The following SIM2 variants were observed in gnomAD, a reference collection of about 807,000 sequenced individuals.
The protein encoded by SIM2 is SIM bHLH transcription factor 2, also known as single-minded homolog 2.
A neutral mutation model predicts 64.8 loss-of-function variants in SIM2; 28 were observed. That is an observed-to-expected ratio of 0.43 (90% CI 0.32 to 0.59). The LOEUF (loss-of-function observed/expected upper bound fraction) is 0.59, where lower values mean the gene tolerates loss of function less well. SIM2 is among the 20% of genes least tolerant of loss of function. SIM2 has a pLI of 0.07. For missense variants in SIM2, 847 were observed against 871.4 expected (o/e 0.97, Z 0.35); for synonymous variants, 408 against 391.1 (o/e 1.04, Z -0.51).
At chr21:36,705,701 G>A (rs1317884857) in intron 1 of SIM2, among the ~76,000 whole-genome samples, 2 of 152,212 alleles carry the variant, frequency 1.3e-5, no homozygotes, top group African/African-American at 2.4e-5. Context: ...GCACCCAGGT[G>A]GGGCTCCCAA....
At chr21:36,722,322 G>A (rs1172792797) in intron 4 of SIM2, among the ~76,000 whole-genome samples, 3 of 152,190 alleles carry the variant, frequency 2.0e-5, no homozygotes, top group Non-Finnish European at 4.4e-5. Context: ...AGCTTCCACA[G>A]GGCAGTGACC....
chr21:36,735,070 C>A (rs146242115), intron 7 of SIM2, among the ~76,000 whole-genome samples: 1 of 152,144 alleles, frequency 6.6e-6, no homozygotes, highest in African/African-American at 2.4e-5. Context: ...GGGAGGCTGG[C>A]GCTCAACGCC....
At chr21:36,738,644 C>G (rs540083403) in intron 7 of SIM2, among the ~76,000 whole-genome samples, 1 of 152,376 alleles carries the variant, frequency 6.6e-6, no homozygotes, top group East Asian at 1.9e-4. Context: ...GCTGTGCCCT[C>G]AAGCTCTGTT....
chr21:36,701,649 C>T (rs1326981848), intron 1 of SIM2: 1 of 152,410 alleles, frequency 6.6e-6, no homozygotes, highest in Non-Finnish European at 1.5e-5. Context: ...CAAAGATACC[C>T]CAGTCCCAGC....
In SIM2 at chr21:36,744,790, T is replaced by TC; in HGVS notation, c.1235dup (p.Ala413CysfsTer17). On this transcript the variant is annotated frameshift_variant, in exon 10 of 11. Transcript: ENST00000290399. LOFTEE classifies it high-confidence loss of function. Reference sequence around the variant, plus strand: ...GCCAGCTCGGAAACTGGAGAGCCAGTCCCCCTGCAAGCGCTGCTGCTCCTC... The same window carrying TC: ...GCCAGCTCGGAAACTGGAGAGCCAGTCCCCCCTGCAAGCGCTGCTGCTCCTC... 1 of 1,613,538 alleles carries TC rather than the reference T, an allele frequency of 6.2e-7. No homozygotes were observed. The highest frequency in any genetic ancestry group is 8.5e-7 in the Non-Finnish European group (1 of 1,179,742).
intron 2 of SIM2, 52 bp downstream of exon 2, chr21:36,709,302 A>T (rs776128703): frequency 3.6e-6 from 5 of 1,398,078 alleles, no homozygotes; most frequent in Non-Finnish European, 4.9e-6. Flanking sequence ...CTCCCTTCCC[A>T]CCCCGCCACC....
At chr21:36,739,817 A>G (rs1378354155) in intron 7 of SIM2, among the ~76,000 whole-genome samples, 1 of 152,090 alleles carries the variant, frequency 6.6e-6, no homozygotes, top group East Asian at 1.9e-4. Context: ...AGGTAGGCGG[A>G]CCACTTGAGG....
At chr21:36,739,815 G>A (rs1430248356) in intron 7 of SIM2, among the ~76,000 whole-genome samples, 2 of 152,180 alleles carry the variant, frequency 1.3e-5, no homozygotes, top group South Asian at 4.2e-4. Context: ...CAAGGTAGGC[G>A]GACCACTTGA....
At chr21:36,702,790 G>A (rs1188044966) in intron 1 of SIM2, among the ~76,000 whole-genome samples, 2 of 152,080 alleles carry the variant, frequency 1.3e-5, no homozygotes, top group East Asian at 3.9e-4. Flanking sequence ...GGTGGTCCCG[G>A]GCTGTGGCAG....
Position 36,712,581 on chromosome 21 carries a change from T to C in SIM2, c.307T>C (p.Tyr103His). ...FVVASDGKIM[Y>H]ISETASVHLG... Reference sequence around the variant, plus strand: ...GGTAGCATCTGATGGCAAAATCATGTATATATCCGAGACCGCTTCTGTCCA... The same window carrying C: ...GGTAGCATCTGATGGCAAAATCATGCATATATCCGAGACCGCTTCTGTCCA... Residue 103 changes from tyrosine to histidine, a missense_variant, in exon 3 of 11, where the codon TAT (tyrosine) becomes CAT (histidine). Transcript: ENST00000290399. 6.2e-7 allele frequency: 1 copy of C among 1,613,918 alleles called. No homozygotes were observed. The highest frequency in any genetic ancestry group is 8.5e-7 in the Non-Finnish European group (1 of 1,179,848).
chr21:36,699,900 A>T lies in SIM2; in HGVS notation c.154A>T (p.Met52Leu). 6.2e-7 allele frequency: 1 copy of T among 1,605,132 alleles called. No individual in the cohort carries two copies. Among genetic ancestry groups the T allele is most frequent in the Non-Finnish European group, 8.5e-7 (1 of 1,176,072 alleles). ...IIRLTTSYLK[M>L]RAVFPEGLGD... ...CCGCCTCACCACGAGCTACCTGAAGATGCGCGCCGTCTTCCCCGAAGGTGA... is the reference window on the plus strand; with the variant it reads ...CCGCCTCACCACGAGCTACCTGAAGTTGCGCGCCGTCTTCCCCGAAGGTGA... Residue 52 changes from methionine to leucine, a missense_variant, in exon 1 of 11, where the codon ATG becomes TTG. By Grantham distance (15) the Met-to-Leu change is conservative (BLOSUM62 2). Transcript: ENST00000290399. The surrounding 1 kb of genome is among the most constrained non-coding windows in gnomAD (Gnocchi z 5.6).
At chr21:36,728,906 G>A (rs1051292875) in intron 6 of SIM2, among the ~76,000 whole-genome samples, 11 of 152,234 alleles carry the variant, frequency 7.2e-5, no homozygotes, top group East Asian at 1.9e-4. Context: ...TGAACTCGCC[G>A]TAACCTGAAA....
chr21:36,743,378 G>T lies in SIM2; in HGVS notation c.999-9G>T, dbSNP rs376777271. 3 of 1,606,824 alleles carry T rather than the reference G, an allele frequency of 1.9e-6. No individual in the cohort carries two copies. The highest frequency in any genetic ancestry group is 1.3e-5 in the African/African-American group (1 of 74,482). The stretch of plus-strand genomic sequence containing the variant: ...GCTGGACATGACTCGGCCCACTCTC[G>T]CCTTCCAGGGAGATTGAATACAAGG... On this transcript the variant is annotated splice_polypyrimidine_tract_variant and intron_variant, in intron 8 of 10. Coordinates refer to ENST00000290399, the MANE Select transcript of SIM2 (RefSeq NM_005069.6).
intron 3 of SIM2, among the ~76,000 whole-genome samples, chr21:36,715,769 C>G (rs1021203807): frequency 1.3e-5 from 2 of 152,164 alleles, no homozygotes; most frequent in African/African-American, 4.8e-5. Context: ...AAATGACTAT[C>G]CAAATTCTTT....
intron 7 of SIM2, among the ~76,000 whole-genome samples, chr21:36,734,382 G>A (rs1262186185): frequency 1.3e-5 from 2 of 152,194 alleles, no homozygotes; most frequent in Admixed American, 1.3e-4. Flanking sequence ...GAAATTAGAC[G>A]GGGCATGGCT....
intron 1 of SIM2, among the ~76,000 whole-genome samples, chr21:36,706,305 A>G (rs368376682): frequency 5.3e-5 from 8 of 152,174 alleles, no homozygotes; most frequent in African/African-American, 1.9e-4. Context: ...GACTTCCAAC[A>G]GCACAGCGTC....
rs2088452112 is a variant in SIM2, at chr21:36,699,513, A to AGGCTGCGCTCCGGGCAGCGGCG, written c.-230_-209dup. 2.9e-6 allele frequency: 1 copy of AGGCTGCGCTCCGGGCAGCGGCG among 348,172 alleles called. No individual in the cohort carries two copies. The highest frequency in any genetic ancestry group is 5.1e-6 in the Non-Finnish European group (1 of 194,866). The allele number at this position is 348,172 out of a possible 1,614,324, so 21.6% of individuals were successfully genotyped here. A position where few individuals can be genotyped will look rare whatever the true frequency, so the allele number is the denominator to read the frequency against. The stretch of plus-strand genomic sequence containing the variant: ...GCTGCAGGACGGTCCAGCCCGGAGG[A>AGGCTGCGCTCCGGGCAGCGGCG]GGCTGCGCTCCGGGCAGCGGCGGGC... On this transcript the variant is annotated 5_prime_UTR_variant, in exon 1 of 11. Transcript: ENST00000290399. This position sits in a 1 kb window ranked among gnomAD's most constrained non-coding sequence, Gnocchi z 5.6.
At chr21:36,729,762 C>T (rs1455373508) in intron 6 of SIM2, among the ~76,000 whole-genome samples, 4 of 152,112 alleles carry the variant, frequency 2.6e-5, no homozygotes, top group Admixed American at 2.0e-4. Context: ...CCACCTCCTT[C>T]GAGGACATGG....
At chr21:36,722,360 A>T (rs1332472979) in intron 4 of SIM2, among the ~76,000 whole-genome samples, 1 of 152,290 alleles carries the variant, frequency 6.6e-6, no homozygotes, top group South Asian at 2.1e-4. Context: ...CTTTGCTTCC[A>T]TTCCTAGTGG....
Sources: allele counts gnomAD v4.1 joint callset (sites outside exome capture counted in the v4.1 genomes callset), GRCh38; gene constraint gnomAD v4.1.1; non-coding constraint Gnocchi (gnomAD v3.1); transcripts MANE v1.5; gene names NCBI Gene and HGNC (gene_info 2026-07-23, HGNC 2026-07-21).